The following ABCA7 variants were observed in gnomAD, a reference collection of about 807,000 sequenced individuals.
ABCA7 encodes phospholipid-transporting ATPase ABCA7.
Under a neutral mutation model 227.6 loss-of-function variants are expected in ABCA7, and 261 were observed. The ratio of observed to expected loss-of-function variants is 1.15; its 90% confidence interval spans 1.04 to 1.27. The LOEUF is 1.27. ABCA7 is among the 50% of genes most tolerant of loss of function. ABCA7 has a pLI of 0.00. For missense variants in ABCA7, 3,331 were observed against 2,924.5 expected (o/e 1.14, Z -3.21); for synonymous variants, 1,488 against 1,279.7 (o/e 1.16, Z -3.47).
intron 12 of ABCA7, 143 bp downstream of exon 12, chr19:1,045,374 C>CG (rs1568256296): frequency 1.1e-6 from 1 of 889,084 alleles, no homozygotes; most frequent in Non-Finnish European, 1.7e-6. Context: ...AGCCAGAGCC[C>CG]GGGGCTCCTT....
At position 1,053,466 on chromosome 19, in the gene ABCA7, CTA is replaced by C. The variant is rs2041960763; in HGVS notation, c.3359_3360del (p.Leu1120ArgfsTer80). On this transcript the variant is annotated frameshift_variant, in exon 24 of 47. Transcript: ENST00000263094. LOFTEE classifies it high-confidence loss of function. Reference protein sequence around the residue: ...DGSFATLFRELDTRLAELRLT... With the variant: ...DGSFATLFREXDTRLAELRLT... ...CAGCTTCGCCACACTCTTCCGAGAG[CTA>C]GACACGCGGCTGGCGGAGCTGAGGC... 2 of 1,597,182 alleles carry C rather than the reference CTA, an allele frequency of 1.3e-6. No individual in the cohort carries two copies. The highest frequency in any genetic ancestry group is 1.7e-5 in the Admixed American group (1 of 58,228).
rs754794829 is a variant in ABCA7 at position 1,053,473 on chromosome 19, C to G, written c.3365C>G (p.Thr1122Arg). 4.4e-6 allele frequency: 7 copies of G among 1,592,204 alleles called. No homozygotes were observed. The highest frequency in any genetic ancestry group is 2.3e-5 in the South Asian group (2 of 88,586). The change falls in exon 24 of 47, where the codon ACG (threonine) becomes AGG (arginine). Residue 1122 changes from threonine to arginine, a missense_variant. Thr to Arg is a moderately conservative substitution (Grantham distance 71). Coordinates refer to ENST00000263094, the MANE Select transcript of ABCA7 (RefSeq NM_019112.4). ...SFATLFRELDTRLAELRLTGY... is the reference protein window; with the variant it reads ...SFATLFRELDRRLAELRLTGY... ...GCCACACTCTTCCGAGAGCTAGACA[C>G]GCGGCTGGCGGAGCTGAGGCTCACT...
chr19:1,055,684 G>A (rs2042189734), intron 30 of ABCA7, among the ~76,000 whole-genome samples: 1 of 151,904 alleles, frequency 6.6e-6, no homozygotes, highest in South Asian at 2.1e-4. Flanking sequence ...TGTATTTTTA[G>A]TAGAGATGGG....
At position 1,051,510 on chromosome 19, in the gene ABCA7, C is replaced by G; in HGVS notation, c.2886C>G (p.Ile962Met). The change falls in exon 21 of 47, where the codon ATC becomes ATG. Residue 962 changes from isoleucine to methionine, a missense_variant. By Grantham distance (10) the Ile-to-Met change is conservative. Transcript: ENST00000263094. ...IAFVGGSQVV[I>M]LDEPTAGVDP... Reference sequence around the variant, plus strand: ...TTGTGGGCGGCTCCCAAGTTGTTATCCTGGACGAGCCTACGGCTGGCGTGG... The same window carrying G: ...TTGTGGGCGGCTCCCAAGTTGTTATGCTGGACGAGCCTACGGCTGGCGTGG... The G allele has an allele frequency of 6.2e-7, 1 of 1,612,694 alleles. No homozygotes were observed. The highest frequency in any genetic ancestry group is 8.5e-7 in the Non-Finnish European group (1 of 1,179,936).
chr19:1,047,728 C>A, intron 16 of ABCA7, 74 bp downstream of exon 16: 1 of 1,450,862 alleles, frequency 6.9e-7, no homozygotes, highest in Non-Finnish European at 9.1e-7. Context: ...GGTGTGGCCT[C>A]CAGGCCGTTT....
chr19:1,064,132 A>G (rs2042876639), intron 44 of ABCA7, 29 bp from the exon 45 acceptor site: 1 of 1,531,554 alleles, frequency 6.5e-7, no homozygotes, highest in Non-Finnish European at 8.8e-7. Flanking sequence ...CCCCGGCCTC[A>G]CGGAGCTCGT....
Position 1,042,348 on chromosome 19 carries a change from A to G in ABCA7, c.449A>G (p.Glu150Gly). The stretch of plus-strand genomic sequence containing the variant: ...CAACCAACCAAGCAGTCTCCACTGG[A>G]ACCACCCATGCTGGATGTCGCGGAG... ...QPQPTKQSPL[E>G]PPMLDVAELL... Residue 150 changes from glutamate (E) to glycine (G), a missense_variant, in exon 6 of 47, where the codon GAA becomes GGA. By Grantham distance (98) the Glu-to-Gly change is moderately conservative. Transcript: ENST00000263094. 3.8e-6 allele frequency: 6 copies of G among 1,595,546 alleles called. No homozygotes were observed. The highest frequency in any genetic ancestry group is 5.1e-6 in the Non-Finnish European group (6 of 1,167,428).
rs754990583 is a variant in ABCA7, at chr19:1,058,946, T to C, written c.5400+6T>C. The C allele has an allele frequency of 1.1e-5, 17 of 1,608,652 alleles. No homozygotes were observed. The African/African-American group carries it at 2.3e-4, about 21-fold the overall frequency. ...TGCTGAGGAACTTGACCAAGGTAGG[T>C]GTGGTCAGGTCGACTGCTGGGTGGG... On this transcript the variant is annotated splice_donor_region_variant and intron_variant, in intron 39 of 46. Coordinates refer to ENST00000263094, the MANE Select transcript of ABCA7 (RefSeq NM_019112.4).
intron 4 of ABCA7, 33 bp from the exon 5 acceptor site, chr19:1,042,031 G>A: frequency 6.3e-7 from 1 of 1,583,596 alleles, no homozygotes; most frequent in South Asian, 1.1e-5. Context: ...GTGCCGGCCG[G>A]AACCCCGCCT....
chr19:1,042,541 T>C, intron 6 of ABCA7, 144 bp downstream of exon 6: 1 of 1,152,864 alleles, frequency 8.7e-7, no homozygotes, highest in Non-Finnish European at 1.3e-6. Flanking sequence ...CTTGTCCGTC[T>C]GGGCCCCCAG....
At position 1,049,414 on chromosome 19, in the gene ABCA7, C is replaced by A; in HGVS notation, c.2529C>A (p.Asn843Lys). ...ACATCACCGCCTTCCTGGGCCACAA[C>A]GGGGCCGGCAAGACCACCACCCTGT... ...QGHITAFLGH[N>K]GAGKTTTLSI... Residue 843 changes from asparagine (N) to lysine (K), a missense_variant, in exon 18 of 47, where the codon AAC becomes AAA. Transcript: ENST00000263094. 6.2e-7 allele frequency: 1 copy of A among 1,607,814 alleles called. No individual in the cohort carries two copies. The highest frequency in any genetic ancestry group is 2.2e-5 in the East Asian group (1 of 44,768).
chr19:1,058,426 A>G (rs1333072421), intron 37 of ABCA7, among the ~76,000 whole-genome samples, 157 bp downstream of exon 37: 1 of 152,126 alleles, frequency 6.6e-6, no homozygotes, highest in Non-Finnish European at 1.5e-5. Context: ...GGTACAAGAA[A>G]GCAGCCATAA....
intron 1 of ABCA7, among the ~76,000 whole-genome samples, 187 bp from the exon 2 acceptor site, chr19:1,041,038 A>G (rs1210454037): frequency 1.3e-5 from 2 of 151,988 alleles, no homozygotes; most frequent in African/African-American, 4.8e-5. Context: ...GTTAAGCCCA[A>G]ACTCGGTCCC....
chr19:1,043,937 CTTTTTTT>C, intron 10 of ABCA7, 96 bp downstream of exon 10: 6 of 666,774 alleles, frequency 9.0e-6, no homozygotes, highest in South Asian at 3.5e-5. Context: ...CAGACCCCCA[CTTTTTTT>C]TTTTTTTTTT....
At chr19:1,061,344 C>A (rs1175629202) in intron 40 of ABCA7, among the ~76,000 whole-genome samples, 2 of 146,620 alleles carry the variant, frequency 1.4e-5, no homozygotes, top group Non-Finnish European at 3.0e-5. Context: ...TTGCAGTGGG[C>A]CAAGATCGTG....
In ABCA7 at chr19:1,056,561, CG is replaced by C; in HGVS notation, c.4586+63del. ...TCCTACCCTGCCTCCATTTCTCTGT[CG>C]TTTGGGGTGGTGGGAGCTGGATTTG... On this transcript the variant is annotated intron_variant, in intron 33 of 46. Coordinates refer to ENST00000263094, the MANE Select transcript of ABCA7 (RefSeq NM_019112.4). The surrounding 1 kb of genome is among the most constrained non-coding windows in gnomAD (Gnocchi z 4.3). 6.5e-7 allele frequency: 1 copy of C among 1,529,996 alleles called. No individual in the cohort carries two copies. The highest frequency in any genetic ancestry group is 1.9e-5 in the Admixed American group (1 of 51,526). The allele number at this position is 1,529,996 out of a possible 1,614,324, so 94.8% of individuals were successfully genotyped here.
At chr19:1,044,828 G>C in intron 11 of ABCA7, 84 bp downstream of exon 11, 1 of 1,498,770 alleles carries the variant, frequency 6.7e-7, no homozygotes, top group Non-Finnish European at 8.9e-7. Context: ...GTTCCCAGGG[G>C]GAGGCGGGCC....
At chr19:1,041,662 C>A in intron 3 of ABCA7, 59 bp downstream of exon 3, 1 of 1,584,000 alleles carries the variant, frequency 6.3e-7, no homozygotes, top group Non-Finnish European at 8.6e-7. Context: ...ATGGCTCACC[C>A]GTGCACAGGA....
At chr19:1,050,779 C>CAAA in intron 18 of ABCA7, 142 bp from the exon 19 acceptor site, 1 of 277,804 alleles carries the variant, frequency 3.6e-6, no homozygotes, top group Non-Finnish European at 4.5e-6. Flanking sequence ...AACTCCGTCT[C>CAAA]AAAAATAATA....
Sources: gnomAD v4.1 joint callset for allele counts (sites outside exome capture counted in the v4.1 genomes callset) on GRCh38, gnomAD v4.1.1 for gene constraint, Gnocchi (gnomAD v3.1) non-coding constraint, MANE v1.5 for transcripts, NCBI Gene and HGNC (gene_info 2026-07-23, HGNC 2026-07-21) for gene names.